Variants in NAGA observed in about 807,000 individuals in gnomAD.
NAGA encodes the protein Acetylgalactosaminidase, alpha-N- (alpha-galactosidase B).
A neutral mutation model predicts 45.6 loss-of-function variants in NAGA; 42 were observed. That is an observed-to-expected ratio of 0.92 (90% CI 0.72 to 1.19). The LOEUF is 1.19. Among genes scored for constraint, NAGA ranks in the 50% most tolerant of loss-of-function variants. NAGA has a pLI of 0.00. For missense variants in NAGA, 493 were observed against 544.8 expected (o/e 0.90, Z 0.95); for synonymous variants, 176 against 203.1 (o/e 0.87, Z 1.13).
At chr22:42,063,628 G>A (rs956155811) in intron 6 of NAGA, among the ~76,000 whole-genome samples, 3 of 152,180 alleles carry the variant, frequency 2.0e-5, no homozygotes, top group Non-Finnish European at 2.9e-5. Context: ...CGTTTCCCAC[G>A]CTTGCGTGAT....
In NAGA at chr22:42,060,424, G is replaced by A; in HGVS notation, c.1102-11C>T. 1 of 1,612,548 alleles carries A rather than the reference G, an allele frequency of 6.2e-7. No individual in the cohort carries two copies. Among genetic ancestry groups the A allele is most frequent in the South Asian group, 1.1e-5 (1 of 91,004 alleles). ...GTAGACGTCCTGGGCCTGCAGTGGG[G>A]AGGGACATCACCAATGCCACCATGA... On this transcript the variant is annotated splice_polypyrimidine_tract_variant and intron_variant, in intron 8 of 8. Coordinates refer to ENST00000396398, the MANE Select transcript of NAGA (RefSeq NM_000262.3).
intron 1 of NAGA, 98 bp downstream of exon 1, chr22:42,070,184 C>T: frequency 7.5e-7 from 1 of 1,341,294 alleles, no homozygotes; most frequent in Non-Finnish European, 1.1e-6. Context: ...GAGAGAGGAA[C>T]CTGTCTCTCC....
Position 42,068,511 on chromosome 22 carries a change from G to T in NAGA, c.80C>A (p.Pro27His), listed in dbSNP as rs933585928. ...GCGTTCCCAGGCCAGCCAGCCCATGGGTGGTGTCTGCAGGAGCCCATTGTC... is the reference window on the plus strand; with the variant it reads ...GCGTTCCCAGGCCAGCCAGCCCATGTGTGGTGTCTGCAGGAGCCCATTGTC... ...MLDNGLLQTP[P>H]MGWLAWERFR... is the part of the protein sequence containing the mutation. The change falls in exon 2 of 9, where the codon CCC (proline) becomes CAC (histidine). Residue 27 changes from proline (P) to histidine (H), a missense_variant. By Grantham distance (77) the Pro-to-His change is moderately conservative. Transcript: ENST00000396398. 1 of 1,614,150 alleles carries T rather than the reference G, an allele frequency of 6.2e-7. No individual in the cohort carries two copies.
In NAGA at chr22:42,060,162, G is replaced by T; in HGVS notation, c.*117C>A. ...TGAGATTGCACTTTGGGTATGATGG[G>T]GTCAGTCACCGAGCAGGCCTGGGGA... is the stretch of plus-strand genomic sequence containing the variant. On this transcript the variant is annotated 3_prime_UTR_variant, in exon 9 of 9. Coordinates refer to ENST00000396398, the MANE Select transcript of NAGA (RefSeq NM_000262.3). 1 of 1,349,080 alleles carries T rather than the reference G, an allele frequency of 7.4e-7. No homozygotes were observed. The highest frequency in any genetic ancestry group is 1.0e-6 in the Non-Finnish European group (1 of 954,028). The allele number at this position is 1,349,080 out of a possible 1,614,324, so 83.6% of individuals were successfully genotyped here.
chr22:42,067,947 G>A lies in NAGA; in HGVS notation c.153-11C>T. On this transcript the variant is annotated splice_polypyrimidine_tract_variant and intron_variant, in intron 2 of 8. Coordinates refer to ENST00000396398, the MANE Select transcript of NAGA (RefSeq NM_000262.3). ...ATGAAGAGCTGTTCACTAGTGAGGG[G>A]CAGAGGGATGGGGTAGCTCAGGGAC... 3 of 1,613,004 alleles carry A rather than the reference G, an allele frequency of 1.9e-6. No individual in the cohort carries two copies. The highest frequency in any genetic ancestry group is 2.5e-6 in the Non-Finnish European group (3 of 1,179,806).
chr22:42,067,754 G>T lies in NAGA; in HGVS notation c.324+11C>A, dbSNP rs1303454319. The T allele has an allele frequency of 6.2e-7, 1 of 1,611,074 alleles. No individual in the cohort carries two copies. The highest frequency in any genetic ancestry group is 8.5e-7 in the Non-Finnish European group (1 of 1,179,596). ...CCCTGAGGCCAAGGGCAGGGCTGGG[G>T]TGCGGCTCACGTAGTCAGCCAGGAA... On this transcript the variant is annotated intron_variant, in intron 3 of 8. Coordinates refer to ENST00000396398, the MANE Select transcript of NAGA (RefSeq NM_000262.3).
At position 42,060,936 on chromosome 22, in the gene NAGA, A is replaced by G; in HGVS notation, c.1089T>C (p.Ser363=). Residue 363 remains serine, a synonymous_variant, in exon 8 of 9, where the codon TCT becomes TCC. Coordinates refer to ENST00000396398, the MANE Select transcript of NAGA (RefSeq NM_000262.3). ...GCCGGGTGCTCACCTCATATATCAC[A>G]GACCCGGTGAAGTTCAGCTGGCCAA... is the stretch of plus-strand genomic sequence containing the variant. The part of the protein sequence containing the change: ...SSLGQLNFTG[S]VIYEAQDVYS... 1 of 1,614,178 alleles carries G rather than the reference A, an allele frequency of 6.2e-7. No homozygotes were observed. Among genetic ancestry groups the G allele is most frequent in the Non-Finnish European group, 8.5e-7 (1 of 1,180,024 alleles).
At chr22:42,068,338 A>G in intron 2 of NAGA, 101 bp downstream of exon 2, 1 of 1,576,672 alleles carries the variant, frequency 6.3e-7, no homozygotes, top group Non-Finnish European at 8.7e-7. Context: ...GGGATGGAGA[A>G]CTCTGACCTT....
intron 5 of NAGA, 79 bp downstream of exon 5, chr22:42,066,631 G>T: frequency 7.3e-7 from 1 of 1,364,736 alleles, no homozygotes; most frequent in Non-Finnish European, 1.0e-6. Flanking sequence ...GGAAGGCCCC[G>T]TCCCTGAAGC....
intron 2 of NAGA, 54 bp downstream of exon 2, chr22:42,068,385 C>T (rs552743539): frequency 1.4e-4 from 231 of 1,613,768 alleles, no homozygotes; most frequent in African/African-American, 1.3e-3. Flanking sequence ...TTCCTGCCCC[C>T]GAATCTGCAG....
At chr22:42,065,084 C>A (rs77920989) in intron 6 of NAGA, among the ~76,000 whole-genome samples, 1 of 152,148 alleles carries the variant, frequency 6.6e-6, no homozygotes, top group African/African-American at 2.4e-5. Flanking sequence ...GTTACTTGCC[C>A]GAGGTAAAGT....
rs201208218 is a variant in NAGA at position 42,062,938 on chromosome 22, C to T, written c.846G>A (p.Met282Ile). The T allele has an allele frequency of 4.3e-6, 7 of 1,614,164 alleles. No individual in the cohort carries two copies. The Admixed American group carries it at 1.2e-4, about 27-fold the overall frequency. ...CGGAGATGGTACGCAGGTCTGTGGA[C>T]ATCAAGAGGGGGGCTGCCAGCACCG... ...LWTVLAAPLL[M>I]STDLRTISAQ... Residue 282 changes from methionine to isoleucine, a missense_variant, in exon 7 of 9, where the codon ATG (methionine) becomes ATA (isoleucine). Transcript: ENST00000396398.
In NAGA at chr22:42,067,945, G is replaced by A. The variant is rs1320806565; in HGVS notation, c.153-9C>T. The A allele has an allele frequency of 1.2e-6, 2 of 1,613,152 alleles. No homozygotes were observed. The highest frequency in any genetic ancestry group is 2.2e-5 in the East Asian group (1 of 44,862). On this transcript the variant is annotated splice_polypyrimidine_tract_variant and intron_variant, in intron 2 of 8. Coordinates refer to ENST00000396398, the MANE Select transcript of NAGA (RefSeq NM_000262.3). Reference sequence around the variant, plus strand: ...CCATGAAGAGCTGTTCACTAGTGAGGGGCAGAGGGATGGGGTAGCTCAGGG... The same window carrying A: ...CCATGAAGAGCTGTTCACTAGTGAGAGGCAGAGGGATGGGGTAGCTCAGGG...
intron 7 of NAGA, 46 bp downstream of exon 7, chr22:42,062,781 A>G (rs374284392): frequency 1.6e-5 from 25 of 1,597,988 alleles, no homozygotes; most frequent in Non-Finnish European, 2.1e-5. Context: ...TCTCAGGAGA[A>G]CCCAGTTCCT....
chr22:42,064,779 G>C (rs1368800239), intron 6 of NAGA, among the ~76,000 whole-genome samples: 1 of 152,204 alleles, frequency 6.6e-6, no homozygotes, highest in African/African-American at 2.4e-5. Flanking sequence ...ACTAGGTCAA[G>C]TCAATAAATG....
chr22:42,069,797 C>T (rs1371666774), intron 1 of NAGA, among the ~76,000 whole-genome samples: 1 of 152,074 alleles, frequency 6.6e-6, no homozygotes, highest in East Asian at 1.9e-4. Context: ...GCTTTCACAC[C>T]ACAGTAAAGT....
Position 42,066,698 on chromosome 22 carries a change from A to G in NAGA, c.597+12T>C. ...TGGGAAGCGCCATCAGGCAGGGGGC[A>G]GAATGGCTTACCCTTGGGGGGAGGC... On this transcript the variant is annotated intron_variant, in intron 5 of 8. Transcript: ENST00000396398. 4 of 1,588,978 alleles carry G rather than the reference A, an allele frequency of 2.5e-6. No individual in the cohort carries two copies. Among genetic ancestry groups the G allele is most frequent in the Non-Finnish European group, 3.4e-6 (4 of 1,167,834 alleles).
Position 42,070,269 on chromosome 22 carries a change from C to T in NAGA, c.16+13G>A. On this transcript the variant is annotated intron_variant, in intron 1 of 8. Transcript: ENST00000396398. ...CCCCTACCCTTCCAAGCCACCCCAGCCGGTGTAGGTACCTGTCTTCAGCAG... is the reference window on the plus strand; with the variant it reads ...CCCCTACCCTTCCAAGCCACCCCAGTCGGTGTAGGTACCTGTCTTCAGCAG... 6.2e-7 allele frequency: 1 copy of T among 1,614,250 alleles called. No individual in the cohort carries two copies.
Position 42,070,523 on chromosome 22 carries a change from T to TA in NAGA, c.-227dup. On this transcript the variant is annotated 5_prime_UTR_variant, in exon 1 of 9. Coordinates refer to ENST00000396398, the MANE Select transcript of NAGA (RefSeq NM_000262.3). ...GGAGCTTCAGTTCTTCCTTCAGAAA[T>TA]ACGAAACAACGTGTCTTGGATGTCA... is the stretch of plus-strand genomic sequence containing the variant. 1.6e-6 allele frequency: 1 copy of TA among 643,898 alleles called. No homozygotes were observed. The highest frequency in any genetic ancestry group is 1.7e-5 in the South Asian group (1 of 58,410). 39.9% of individuals were successfully genotyped at this position (643,898 alleles called of 1,614,324 possible).
Sources: allele counts gnomAD v4.1 joint callset (sites outside exome capture counted in the v4.1 genomes callset), GRCh38; gene constraint gnomAD v4.1.1; transcripts MANE v1.5; gene names NCBI Gene and HGNC (gene_info 2026-07-23, HGNC 2026-07-21).